The following RGS6 variants were observed in gnomAD, a reference collection of about 807,000 sequenced individuals.
RGS6 encodes the protein regulator of G-protein signaling 6.
RGS6 carries 30 observed loss-of-function variants against 78.5 expected under a neutral mutation model. The observed-to-expected ratio is 0.38, with a 90% CI of 0.29 to 0.52. RGS6 has a LOEUF of 0.52. RGS6 is among the 20% of genes least tolerant of loss of function. The probability of loss-of-function intolerance (pLI) is 0.85; values close to 1 mark genes in which losing one functional copy is unlikely to be tolerated. For synonymous variants in RGS6, 206 were observed against 206.0 expected, an observed-to-expected ratio of 1.00 and a Z score of 0.00; for missense variants, 495 against 609.7, an observed-to-expected ratio of 0.81 and a Z score of 1.98.
chr14:71,998,547 G>A (rs970145296), intron 2 of RGS6, among the ~76,000 whole-genome samples: 1 of 152,224 alleles, frequency 6.6e-6, no homozygotes, highest in Non-Finnish European at 1.5e-5. Context: ...TGGAGCTGAA[G>A]GAAGGATGCT....
At chr14:72,227,672 A>G (rs1213325502) in intron 2 of RGS6, among the ~76,000 whole-genome samples, 1 of 152,180 alleles carries the variant, frequency 6.6e-6, no homozygotes, top group African/African-American at 2.4e-5. Flanking sequence ...TGTTTAGCAT[A>G]TTTTATTAGA....
intron 2 of RGS6, among the ~76,000 whole-genome samples, chr14:72,167,371 C>G (rs2096942550): frequency 1.3e-5 from 2 of 152,240 alleles, no homozygotes; most frequent in Admixed American, 6.5e-5. Context: ...AATGGAATCA[C>G]TGAAGTGACA....
Position 72,480,115 on chromosome 14 carries a change from C to T in RGS6, c.854+1786C>T, listed in dbSNP as rs1223436537. ...CCCTAGGGATTCAGATTCAGTGGTT[C>T]CAGGGTTGAGCCAAGAAATCCACAT... On this transcript the variant is annotated intron_variant, in intron 12 of 17. Coordinates refer to ENST00000553525, the MANE Select transcript of RGS6 (RefSeq NM_001204424.2). 2.0e-5 allele frequency among the ~76,000 whole-genome samples: 3 copies of T among 152,132 alleles called. No individual in the cohort carries two copies. The East Asian group carries it at 5.8e-4, about 29-fold the overall frequency.
intron 1 of RGS6, among the ~76,000 whole-genome samples, chr14:71,948,738 CTCTTTTTT>C (rs1207018002): frequency 4.9e-4 from 37 of 75,218 alleles, no homozygotes; most frequent in East Asian, 3.3e-3. Flanking sequence ...CTCTCTCTCT[CTCTTTTTT>C]TTTTTTTTTT....
Position 72,338,706 on chromosome 14 carries a change from G to A in RGS6, c.85-13389G>A, listed in dbSNP as rs183621707. Among the ~76,000 whole-genome samples the A allele has an allele frequency of 2.1e-3, 314 of 152,326 alleles. 2 individuals carry two copies. The highest frequency in any genetic ancestry group is 7.2e-3 in the African/African-American group (299 of 41,564). On this transcript the variant is annotated intron_variant, in intron 2 of 17. Coordinates refer to ENST00000553525, the MANE Select transcript of RGS6 (RefSeq NM_001204424.2). ...TGGGGCTTGTTATGTGAGAAGTGAC[G>A]TTGGTGATACCTGCTTGGAAAGCAT...
chr14:72,326,915 G>A lies in RGS6; in HGVS notation c.85-25180G>A, dbSNP rs188140234. 9.2e-5 allele frequency among the ~76,000 whole-genome samples: 14 copies of A among 152,246 alleles called. 1 individual carries two copies. In the East Asian group the frequency reaches 2.7e-3, roughly 30 times the overall value. On this transcript the variant is annotated intron_variant, in intron 2 of 17. Transcript: ENST00000553525. The stretch of plus-strand genomic sequence containing the variant: ...ATAGAGATGGGGTTTCACTGTGTTA[G>A]CCAGGATGGTCTCAATCTCCTGACC...
the RGS6 span, among the ~76,000 whole-genome samples, chr14:71,893,033 T>C: frequency 6.6e-6 from 1 of 152,264 alleles, no homozygotes; most frequent in Admixed American, 6.5e-5. Flanking sequence ...CGTTCACATT[T>C]TACAATATAG....
At chr14:72,350,849 A>G (rs1454604054) in intron 2 of RGS6, among the ~76,000 whole-genome samples, 1 of 152,196 alleles carries the variant, frequency 6.6e-6, no homozygotes, top group Non-Finnish European at 1.5e-5. Flanking sequence ...TCAAGTAATT[A>G]TGAGGACTAA....
At chr14:72,539,832 G>A (rs1372807927) in intron 16 of RGS6, among the ~76,000 whole-genome samples, 4 of 152,180 alleles carry the variant, frequency 2.6e-5, no homozygotes, top group East Asian at 1.9e-4. Context: ...CCAAGGAGGC[G>A]GCACCATTTC....
chr14:72,558,773 C>G (rs978307104), intron 17 of RGS6, among the ~76,000 whole-genome samples: 1 of 152,168 alleles, frequency 6.6e-6, no homozygotes, highest in African/African-American at 2.4e-5. Flanking sequence ...TACACTTTGC[C>G]AAATGTCTCA....
chr14:72,111,109 G>T (rs1001930599), intron 2 of RGS6, among the ~76,000 whole-genome samples: 1 of 152,174 alleles, frequency 6.6e-6, no homozygotes, highest in East Asian at 1.9e-4. Context: ...GACAGCTCTT[G>T]GAGAAGAGGG....
At chr14:72,324,868 T>A (rs551318298) in intron 2 of RGS6, among the ~76,000 whole-genome samples, 2 of 152,098 alleles carry the variant, frequency 1.3e-5, no homozygotes, top group African/African-American at 4.8e-5. Context: ...TGGGTATATA[T>A]CCAGTAATGG....
At chr14:72,029,965 T>C (rs1261793037) in intron 2 of RGS6, among the ~76,000 whole-genome samples, 4 of 152,216 alleles carry the variant, frequency 2.6e-5, no homozygotes, top group Non-Finnish European at 5.9e-5. Context: ...CTGAGCAAAA[T>C]ATGCAATCTT....
rs147697676 is a variant in RGS6 at position 72,026,665 on chromosome 14, C to T, written c.84+61790C>T. On this transcript the variant is annotated intron_variant, in intron 2 of 17. Coordinates refer to ENST00000553525, the MANE Select transcript of RGS6 (RefSeq NM_001204424.2). ...CTCTGAACATCTCACAACCACAGAGCTCCATGCTTTCAAAGCCCTCTAAGC... is the reference window on the plus strand; with the variant it reads ...CTCTGAACATCTCACAACCACAGAGTTCCATGCTTTCAAAGCCCTCTAAGC... Among the ~76,000 whole-genome samples, 7 of 152,326 alleles carry T rather than the reference C, an allele frequency of 4.6e-5. No homozygotes were observed. In the East Asian group the frequency reaches 1.4e-3, roughly 29 times the overall value.
chr14:72,417,884 A>G (rs1282792983), intron 3 of RGS6, among the ~76,000 whole-genome samples: 2 of 152,152 alleles, frequency 1.3e-5, no homozygotes, highest in Non-Finnish European at 2.9e-5. Flanking sequence ...ATAATTTCAC[A>G]TCCTTTTATA....
chr14:72,166,934 A>G (rs2096935961), intron 2 of RGS6, among the ~76,000 whole-genome samples: 1 of 152,240 alleles, frequency 6.6e-6, no homozygotes, highest in Non-Finnish European at 1.5e-5. Context: ...CTTGTTCACC[A>G]AATCATTTCA....
rs189968530 is a variant in RGS6, at chr14:72,140,836, A to C, written c.84+175961A>C. The stretch of plus-strand genomic sequence containing the variant: ...ATCTGAGGATGCGGGCAAGCCAGGC[A>C]CAGAACTGTGAGGGTCCTTGCAATG... On this transcript the variant is annotated intron_variant, in intron 2 of 17. Transcript: ENST00000553525. Among the ~76,000 whole-genome samples, 436 of 152,242 alleles carry C rather than the reference A, an allele frequency of 2.9e-3. 1 individual carries two copies. The highest frequency in any genetic ancestry group is 9.6e-3 in the African/African-American group (400 of 41,496).
chr14:72,143,876 T>A (rs1203423947), intron 2 of RGS6, among the ~76,000 whole-genome samples: 1 of 152,260 alleles, frequency 6.6e-6, no homozygotes, highest in Non-Finnish European at 1.5e-5. Context: ...ATTTGTTTAA[T>A]GTTAATAATA....
intron 2 of RGS6, among the ~76,000 whole-genome samples, chr14:72,045,103 G>A (rs1236786673): frequency 1.3e-5 from 2 of 152,112 alleles, no homozygotes; most frequent in Non-Finnish European, 2.9e-5. Flanking sequence ...GGACTTCCCA[G>A]CCTCCATAAT....
Sources: allele counts gnomAD v4.1 joint callset (sites outside exome capture counted in the v4.1 genomes callset), GRCh38; gene constraint gnomAD v4.1.1; transcripts MANE v1.5; gene names NCBI Gene and HGNC (gene_info 2026-07-23, HGNC 2026-07-21).